Variants in COL17A1 observed in about 807,000 individuals in gnomAD.
The protein encoded by COL17A1 is collagen alpha-1(XVII) chain.
Under a neutral mutation model 218.4 loss-of-function variants are expected in COL17A1, and 181 were observed. That is an observed-to-expected ratio of 0.83 (90% CI 0.73 to 0.94). The LOEUF is 0.94. Among genes scored for constraint, COL17A1 ranks in the 40% least tolerant of loss-of-function variants. COL17A1 has a pLI of 0.00. For missense variants in COL17A1, 1,924 were observed against 1,945.9 expected (o/e 0.99, Z 0.21); for synonymous variants, 721 against 731.0 (o/e 0.99, Z 0.22).
intron 7 of COL17A1, 60 bp downstream of exon 7, chr10:104,073,150 A>T: frequency 6.6e-7 from 1 of 1,516,822 alleles, no homozygotes; most frequent in Non-Finnish European, 9.2e-7. Flanking sequence ...CTGGACACAC[A>T]TTAACTTCTC....
In COL17A1 at chr10:104,065,214, G is replaced by A. The variant is rs184845739; in HGVS notation, c.608-618C>T. 3.3e-5 allele frequency among the ~76,000 whole-genome samples: 5 copies of A among 152,354 alleles called. No homozygotes were observed. The East Asian group carries it at 9.6e-4, about 29-fold the overall frequency. On this transcript the variant is annotated intron_variant, in intron 9 of 55. Coordinates refer to ENST00000648076, the MANE Select transcript of COL17A1 (RefSeq NM_000494.4). Reference sequence around the variant, plus strand: ...GCCAGTTCTGCATATTTGTCTGTGAGAGGGAGCCAGCCATGCAGGTCAGAA... The same window carrying A: ...GCCAGTTCTGCATATTTGTCTGTGAAAGGGAGCCAGCCATGCAGGTCAGAA...
intron 23 of COL17A1, among the ~76,000 whole-genome samples, chr10:104,052,532 CTG>C (rs974942058): frequency 3.9e-5 from 6 of 152,322 alleles, no homozygotes; most frequent in African/African-American, 1.2e-4. Flanking sequence ...CTTCTGGTAT[CTG>C]TCTTGGTTTC....
intron 18 of COL17A1, among the ~76,000 whole-genome samples, 175 bp downstream of exon 18, chr10:104,055,607 G>A (rs1338026572): frequency 6.6e-6 from 1 of 152,138 alleles, no homozygotes; most frequent in African/African-American, 2.4e-5. Flanking sequence ...CAGGAGTAAA[G>A]TGGGACCACA....
intron 38 of COL17A1, 65 bp downstream of exon 38, chr10:104,041,238 G>C (rs1042279531): frequency 8.2e-5 from 132 of 1,602,468 alleles, no homozygotes; most frequent in Non-Finnish European, 1.0e-4. Context: ...CCTGGGCTCA[G>C]GGTCCCATTG....
chr10:104,052,952 G>T, intron 23 of COL17A1, 79 bp downstream of exon 23: 2 of 1,510,970 alleles, frequency 1.3e-6, no homozygotes, highest in Non-Finnish European at 1.8e-6. Flanking sequence ...CAGAGACAGA[G>T]TGAAGGAGGG....
chr10:104,037,712 T>C lies in COL17A1; in HGVS notation c.3132A>G (p.Pro1044=). 6.2e-7 allele frequency: 1 copy of C among 1,614,098 alleles called. No individual in the cohort carries two copies. Among genetic ancestry groups the C allele is most frequent in the Non-Finnish European group, 8.5e-7 (1 of 1,179,966 alleles). The change falls in exon 46 of 56, where the codon CCA becomes CCG. Residue 1044 remains proline, a synonymous_variant. Coordinates refer to ENST00000648076, the MANE Select transcript of COL17A1 (RefSeq NM_000494.4). Reference sequence around the variant, plus strand: ...CGCCTGTGATGGTGGTGACAGGTCCTGGGGGACCAGGTGGGCCTGGGGGAC... The same window carrying C: ...CGCCTGTGATGGTGGTGACAGGTCCCGGGGGACCAGGTGGGCCTGGGGGAC... ...VQGPPGPPGP[P]GPVTTITGET... is the part of the protein sequence containing the mutation.
chr10:104,039,617 A>G lies in COL17A1; in HGVS notation c.2812T>C (p.Ser938Pro). 1.2e-6 allele frequency: 2 copies of G among 1,614,144 alleles called. No homozygotes were observed. Among genetic ancestry groups the G allele is most frequent in the East Asian group, 2.2e-5 (1 of 44,872 alleles). ...HQGEQGLPGF[S>P]TSGSSSFGLN... ...GGGGTTCAGCCCTTACCTGAGGTTG[A>G]GAAACCTGGGAGGCCTTGCTCGCCT... The change falls in exon 42 of 56, where the codon TCA (serine) becomes CCA (proline). Residue 938 changes from serine to proline, a missense_variant. By Grantham distance (74) the Ser-to-Pro change is moderately conservative (BLOSUM62 -1). Transcript: ENST00000648076.
At chr10:104,075,704 A>G (rs1406409661) in intron 5 of COL17A1, among the ~76,000 whole-genome samples, 4 of 152,208 alleles carry the variant, frequency 2.6e-5, no homozygotes, top group Non-Finnish European at 1.5e-5. Context: ...TTATCCTAGC[A>G]CTGAATCTGA....
chr10:104,080,760 C>T lies in COL17A1; in HGVS notation c.-11-76G>A. 9.7e-6 allele frequency: 14 copies of T among 1,446,866 alleles called. No individual in the cohort carries two copies. The South Asian group carries it at 1.7e-4, about 17-fold the overall frequency. The allele number at this position is 1,446,866 out of a possible 1,614,324, so 89.6% of individuals were successfully genotyped here. A position where few individuals can be genotyped will look rare whatever the true frequency, so the allele number is the denominator to read the frequency against. The stretch of plus-strand genomic sequence containing the variant: ...TAATTATAGGTCCCCACTGTTGAAG[C>T]TGATAACCAAAAACATGATTTCAAG... On this transcript the variant is annotated intron_variant, in intron 1 of 55. Transcript: ENST00000648076.
Position 104,073,309 on chromosome 10 carries a change from A to G in COL17A1, c.380-64T>C, listed in dbSNP as rs376375271. 3.6e-5 allele frequency: 51 copies of G among 1,422,372 alleles called. No homozygotes were observed. In the African/African-American group the frequency reaches 6.3e-4, roughly 18 times the overall value. 88.1% of individuals were successfully genotyped at this position (1,422,372 alleles called of 1,614,324 possible). A position where few individuals can be genotyped will look rare whatever the true frequency, so the allele number is the denominator to read the frequency against. ...AGGTGGCATGCTAAATACTTTTGAC[A>G]TGGAGGCAGATATATTTGGGGAGGG... On this transcript the variant is annotated intron_variant, in intron 6 of 55. Coordinates refer to ENST00000648076, the MANE Select transcript of COL17A1 (RefSeq NM_000494.4).
Position 104,072,098 on chromosome 10 carries a change from A to G in COL17A1, c.416-19T>C, listed in dbSNP as rs760591718. On this transcript the variant is annotated intron_variant, in intron 7 of 55. Transcript: ENST00000648076. ...TCACTCTCTGTACAAGGGAAGAGAT[A>G]GAGAAGGGTGTGAATGAAGGAGCTT... 4.3e-6 allele frequency: 7 copies of G among 1,614,000 alleles called. No homozygotes were observed. The African/African-American group carries it at 6.7e-5, about 15-fold the overall frequency.
intron 51 of COL17A1, 90 bp downstream of exon 51, chr10:104,034,531 C>T: frequency 1.3e-6 from 2 of 1,548,016 alleles, no homozygotes; most frequent in Non-Finnish European, 8.7e-7. Context: ...GTGTGGCCTT[C>T]CTGTCCCTTT....
At chr10:104,082,055 G>A (rs2086769263) in intron 1 of COL17A1, among the ~76,000 whole-genome samples, 1 of 152,174 alleles carries the variant, frequency 6.6e-6, no homozygotes, top group Non-Finnish European at 1.5e-5. Flanking sequence ...ACGATCTGGT[G>A]GAGTAACCAA....
rs777636309 is a variant in COL17A1, at chr10:104,035,472, A to G, written c.3508+2T>C. ...GGACAGATGTCCCCTGCTGGGCCTT[A>G]CCTCGCAGCAAGGAGAGGAGCTCCT... is the stretch of plus-strand genomic sequence containing the variant. On this transcript the variant is annotated splice_donor_variant, in intron 49 of 55. Transcript: ENST00000648076. LOFTEE classifies it high-confidence loss of function. 1 of 1,613,872 alleles carries G rather than the reference A, an allele frequency of 6.2e-7. No homozygotes were observed. Among genetic ancestry groups the G allele is most frequent in the Admixed American group, 1.7e-5 (1 of 59,994 alleles).
intron 4 of COL17A1, 104 bp from the exon 5 acceptor site, chr10:104,076,533 T>A (rs2086712358): frequency 6.6e-7 from 1 of 1,522,758 alleles, no homozygotes; most frequent in Admixed American, 1.7e-5. Context: ...AGGGAGGGTC[T>A]TCGGGAGGGC....
At chr10:104,033,026 T>G in intron 53 of COL17A1, 58 bp from the exon 54 acceptor site, 1 of 1,586,614 alleles carries the variant, frequency 6.3e-7, no homozygotes, top group South Asian at 1.1e-5. Context: ...GCTTGGGACA[T>G]CAAGTCATTT....
Position 104,077,422 on chromosome 10 carries a change from T to C in COL17A1, c.202A>G (p.Thr68Ala). 2 of 1,611,400 alleles carry C rather than the reference T, an allele frequency of 1.2e-6. No individual in the cohort carries two copies. Among genetic ancestry groups the C allele is most frequent in the South Asian group, 2.2e-5 (2 of 90,342 alleles). Reference sequence around the variant, plus strand: ...ACCTCTTGCACTAGTGGGCACTCACTTGAGTTTATGTAGCCGCTGCTGCCA... The same window carrying C: ...ACCTCTTGCACTAGTGGGCACTCACCTGAGTTTATGTAGCCGCTGCTGCCA... ...THGSSGYINS[T>A]GSTRGHASTS... Residue 68 changes from threonine to alanine, a missense_variant and splice_region_variant, in exon 4 of 56, where the codon ACT (threonine) becomes GCT (alanine). Transcript: ENST00000648076.
At chr10:104,035,627 G>A (rs2086272954) in intron 48 of COL17A1, 64 bp from the exon 49 acceptor site, 1 of 1,309,932 alleles carries the variant, frequency 7.6e-7, no homozygotes, top group African/African-American at 1.5e-5. Flanking sequence ...TCAGAGAGGA[G>A]GTCGGATACA....
rs771312982 is a variant in COL17A1 at position 104,036,449 on chromosome 10, T to C, written c.3418+43A>G. The C allele has an allele frequency of 1.9e-6, 3 of 1,613,070 alleles. No homozygotes were observed. In the East Asian group the frequency reaches 6.7e-5, roughly 36 times the overall value. On this transcript the variant is annotated intron_variant, in intron 48 of 55. Transcript: ENST00000648076. ...TTCACGCTGCGAGTCCTCATCCCAG[T>C]CATCCCAGGCCCTTCCCAACCACCC...
Sources: allele counts gnomAD v4.1 joint callset (sites outside exome capture counted in the v4.1 genomes callset), GRCh38; gene constraint gnomAD v4.1.1; transcripts MANE v1.5; gene names NCBI Gene and HGNC (gene_info 2026-07-23, HGNC 2026-07-21).